KCNQ3: variants seen among roughly 807,000 people sequenced by gnomAD.
The protein encoded by KCNQ3 is potassium voltage-gated channel subfamily Q member 3, also known as potassium voltage-gated channel subfamily KQT member 3.
A neutral mutation model predicts 92.5 loss-of-function variants in KCNQ3; 30 were observed. The ratio of observed to expected loss-of-function variants is 0.32; its 90% CI spans 0.24 to 0.44. The LOEUF is 0.44. KCNQ3 is among the 20% of genes least tolerant of loss of function. The pLI is 1.00. For synonymous variants in KCNQ3, 450 were observed against 468.8 expected, an observed-to-expected ratio of 0.96 and a Z score of 0.52; for missense variants, 913 against 1,140.3, an observed-to-expected ratio of 0.80 and a Z score of 2.87.
Position 132,160,806 on chromosome 8 carries a change from A to G in KCNQ3, c.1262+2662T>C, listed in dbSNP as rs541178235. On this transcript the variant is annotated intron_variant, in intron 9 of 14. Coordinates refer to ENST00000388996, the MANE Select transcript of KCNQ3 (RefSeq NM_004519.4). ...TTATGCTTCCTTCTCAGGCTTTCTG[A>G]TTCTAAGGTTAATCAGAAAGAAAAG... Among the ~76,000 whole-genome samples, 7 of 151,856 alleles carry G rather than the reference A, an allele frequency of 4.6e-5. No homozygotes were observed. The South Asian group carries it at 1.5e-3, about 32-fold the overall frequency.
chr8:132,423,915 T>C (rs1563906426), intron 1 of KCNQ3, among the ~76,000 whole-genome samples: 1 of 152,132 alleles, frequency 6.6e-6, no homozygotes, highest in Non-Finnish European at 1.5e-5. Flanking sequence ...TAGTTAAGTA[T>C]AACCACATCC....
intron 9 of KCNQ3, among the ~76,000 whole-genome samples, chr8:132,159,887 AT>A (rs2130060497): frequency 6.6e-6 from 1 of 152,268 alleles, no homozygotes; most frequent in South Asian, 2.1e-4. Context: ...CTATCCATTC[AT>A]CCATCCACTG....
chr8:132,294,469 T>A (rs926789661), intron 1 of KCNQ3, among the ~76,000 whole-genome samples: 1 of 152,162 alleles, frequency 6.6e-6, no homozygotes, highest in African/African-American at 2.4e-5. Context: ...AGGCTAGAGT[T>A]AGGAAGAACA....
At chr8:132,338,144 A>C (rs548232787) in intron 1 of KCNQ3, among the ~76,000 whole-genome samples, 1 of 152,290 alleles carries the variant, frequency 6.6e-6, no homozygotes, top group Non-Finnish European at 1.5e-5. Context: ...ACTGGGAAGC[A>C]CTTTGTAGAT....
intron 1 of KCNQ3, among the ~76,000 whole-genome samples, chr8:132,319,594 CTCGTCCGATGGCCCCGGGAA>C (rs1817842237): frequency 6.6e-6 from 1 of 152,170 alleles, no homozygotes; most frequent in Non-Finnish European, 1.5e-5. Flanking sequence ...TGGGCTGACC[CTCGTCCGATGGCCCCGGGAA>C]TAAAAGAGTC....
intron 1 of KCNQ3, among the ~76,000 whole-genome samples, chr8:132,220,144 C>T (rs377616508): frequency 6.6e-6 from 1 of 152,182 alleles, no homozygotes. Flanking sequence ...TGTCTGCATG[C>T]CCCCTCCAAA....
chr8:132,260,826 C>T lies in KCNQ3; in HGVS notation c.387-74645G>A, dbSNP rs959436535. 3.9e-5 allele frequency among the ~76,000 whole-genome samples: 6 copies of T among 151,994 alleles called. 1 individual carries two copies. Among genetic ancestry groups the T allele is most frequent in the Admixed American group, 2.0e-4 (3 of 15,250 alleles). ...CCATCCAATCCTCAGTCCATCCAAA[C>T]TTCCATCCAACCATCCATCCAAACA... On this transcript the variant is annotated intron_variant, in intron 1 of 14. Transcript: ENST00000388996.
intron 1 of KCNQ3, among the ~76,000 whole-genome samples, chr8:132,247,697 C>T (rs1249652447): frequency 6.6e-6 from 1 of 151,802 alleles, no homozygotes; most frequent in Non-Finnish European, 1.5e-5. Flanking sequence ...ACTCGGGAGG[C>T]TGAGGCAGGA....
intron 1 of KCNQ3, among the ~76,000 whole-genome samples, chr8:132,342,555 T>C (rs1818564127): frequency 6.6e-6 from 1 of 152,160 alleles, no homozygotes; most frequent in South Asian, 2.1e-4. Context: ...CTCCCTCTTG[T>C]GAAAAATAAG....
At chr8:132,466,078 G>C (rs928785965) in intron 1 of KCNQ3, among the ~76,000 whole-genome samples, 13 of 152,042 alleles carry the variant, frequency 8.6e-5, no homozygotes, top group Admixed American at 8.5e-4. Flanking sequence ...CAGGTTTTGC[G>C]GTGCTTCTGA....
At chr8:132,344,336 T>C (rs936389331) in intron 1 of KCNQ3, among the ~76,000 whole-genome samples, 1 of 152,234 alleles carries the variant, frequency 6.6e-6, no homozygotes, top group African/African-American at 2.4e-5. Context: ...CAAATCTAAA[T>C]CTGTGCATGT....
chr8:132,135,629 C>T lies in KCNQ3; in HGVS notation c.1701-1241G>A, dbSNP rs111823144. Among the ~76,000 whole-genome samples, 612 of 152,230 alleles carry T rather than the reference C, an allele frequency of 4.0e-3. 6 individuals are homozygous for T. The highest frequency in any genetic ancestry group is 0.014 in the African/African-American group (585 of 41,532). On this transcript the variant is annotated intron_variant, in intron 12 of 14. Coordinates refer to ENST00000388996, the MANE Select transcript of KCNQ3 (RefSeq NM_004519.4). Reference sequence around the variant, plus strand: ...TGCCACTGTCATAGTCCACTCTATGCTTATTAAAATTGGCTGGTATTTTTG... The same window carrying T: ...TGCCACTGTCATAGTCCACTCTATGTTTATTAAAATTGGCTGGTATTTTTG...
At chr8:132,238,468 C>T (rs1158061421) in intron 1 of KCNQ3, among the ~76,000 whole-genome samples, 1 of 152,146 alleles carries the variant, frequency 6.6e-6, no homozygotes, top group Non-Finnish European at 1.5e-5. Context: ...CCTAACTGCC[C>T]AGAAGCCTCT....
chr8:132,395,415 G>A (rs1305009812), intron 1 of KCNQ3, among the ~76,000 whole-genome samples: 1 of 152,130 alleles, frequency 6.6e-6, no homozygotes, highest in Non-Finnish European at 1.5e-5. Context: ...GAAGTATCAG[G>A]AGTTCTAACA....
intron 1 of KCNQ3, among the ~76,000 whole-genome samples, chr8:132,476,614 G>C (rs920024227): frequency 6.6e-6 from 1 of 152,130 alleles, no homozygotes; most frequent in South Asian, 2.1e-4. Flanking sequence ...AATTTCTCCC[G>C]TTTGCAATGG....
At chr8:132,283,054 G>A (rs1816575753) in intron 1 of KCNQ3, among the ~76,000 whole-genome samples, 1 of 151,300 alleles carries the variant, frequency 6.6e-6, no homozygotes, top group African/African-American at 2.4e-5. Flanking sequence ...CAGAGGGAAT[G>A]AGGCAGAAAG....
intron 1 of KCNQ3, among the ~76,000 whole-genome samples, chr8:132,369,981 C>T (rs550492285): frequency 1.3e-5 from 2 of 152,212 alleles, no homozygotes; most frequent in Non-Finnish European, 2.9e-5. Context: ...TGACAATGCC[C>T]TTTCACCTGT....
At chr8:132,216,013 G>C (rs1323139239) in intron 1 of KCNQ3, among the ~76,000 whole-genome samples, 1 of 152,156 alleles carries the variant, frequency 6.6e-6, no homozygotes, top group Non-Finnish European at 1.5e-5. Context: ...AAATATAAAT[G>C]AGTCTGAGAA....
intron 1 of KCNQ3, among the ~76,000 whole-genome samples, chr8:132,281,533 TGTG>T (rs1411121022): frequency 9.1e-6 from 1 of 110,108 alleles, no homozygotes; most frequent in Non-Finnish European, 2.0e-5. Context: ...TGTGTGTGTG[TGTG>T]TATATGTGTG....
Sources: allele counts gnomAD v4.1 joint callset (sites outside exome capture counted in the v4.1 genomes callset), GRCh38; gene constraint gnomAD v4.1.1; transcripts MANE v1.5; gene names NCBI Gene and HGNC (gene_info 2026-07-23, HGNC 2026-07-21).